The following EWSR1 variants were observed in gnomAD, a reference collection of about 807,000 sequenced individuals.
EWSR1 encodes the protein RNA-binding protein EWS.
Under a neutral mutation model 92.1 loss-of-function variants are expected in EWSR1, and 14 were observed. The ratio of observed to expected loss-of-function variants is 0.15; its 90% CI spans 0.10 to 0.24. EWSR1 has a LOEUF of 0.24. Among genes scored for constraint, EWSR1 ranks in the 10% least tolerant of loss-of-function variants. The probability of loss-of-function intolerance (pLI) is 1.00; values close to 1 mark genes in which losing one functional copy is unlikely to be tolerated. For missense variants in EWSR1, 637 were observed against 870.9 expected, an observed-to-expected ratio of 0.73 and a Z score of 3.38; for synonymous variants, 303 against 292.9, an observed-to-expected ratio of 1.03 and a Z score of -0.35.
Position 29,270,185 on chromosome 22 carries a change from G to A in EWSR1, c.13+1836G>A, listed in dbSNP as rs117950019. 1.3e-3 allele frequency among the ~76,000 whole-genome samples: 203 copies of A among 152,298 alleles called. 3 individuals are homozygous for A. In the East Asian group the frequency reaches 0.035, roughly 26 times the overall value. On this transcript the variant is annotated intron_variant, in intron 1 of 16. Transcript: ENST00000397938. ...CAGCTTCCATAGTGACTGCTCTAAA[G>A]TGTTAAACCGTTGCCTTGGGTTAAT... is the stretch of plus-strand genomic sequence containing the variant.
chr22:29,270,679 G>C (rs2058603891), intron 1 of EWSR1, among the ~76,000 whole-genome samples: 1 of 152,138 alleles, frequency 6.6e-6, no homozygotes, highest in South Asian at 2.1e-4. Context: ...TGCAAACGTT[G>C]AACTTACATG....
At chr22:29,299,988 GGGGCTCT>G in intron 16 of EWSR1, 127 bp from the exon 17 acceptor site, 4 of 1,397,712 alleles carry the variant, frequency 2.9e-6, no homozygotes, top group South Asian at 2.7e-5. Context: ...GGGGCACCTG[GGGGCTCT>G]GGAAGGGCTT....
chr22:29,291,010 T>A (rs1012967323), intron 8 of EWSR1: 18 of 237,042 alleles, frequency 7.6e-5, no homozygotes, highest in Non-Finnish European at 1.4e-4. Flanking sequence ...TTAAATCTAT[T>A]CGTGCCCTGA....
chr22:29,268,363 A>T lies in EWSR1; in HGVS notation c.13+14A>T, dbSNP rs752812760. On this transcript the variant is annotated intron_variant, in intron 1 of 16. Transcript: ENST00000397938. ...TGGCGTCCACGGGTGAGTATGGTGGAACTGCGGTCGCGCCGGCGGTAGCCG... is the reference window on the plus strand; with the variant it reads ...TGGCGTCCACGGGTGAGTATGGTGGTACTGCGGTCGCGCCGGCGGTAGCCG... 2 of 1,614,052 alleles carry T rather than the reference A, an allele frequency of 1.2e-6. No homozygotes were observed. Among genetic ancestry groups the T allele is most frequent in the Non-Finnish European group, 1.7e-6 (2 of 1,179,936 alleles).
intron 4 of EWSR1, chr22:29,277,604 CT>C: frequency 4.3e-6 from 1 of 232,676 alleles, no homozygotes; most frequent in Non-Finnish European, 8.5e-6. Flanking sequence ...TGTCATTTGC[CT>C]TTTACCTTTT....
intron 7 of EWSR1, 37 bp downstream of exon 7, chr22:29,287,171 T>C (rs1316022382): frequency 8.8e-6 from 14 of 1,591,650 alleles, no homozygotes; most frequent in Admixed American, 1.7e-5. Flanking sequence ...TAAGAATGAA[T>C]GTGTTTAGAG....
intron 13 of EWSR1, 99 bp from the exon 14 acceptor site, chr22:29,298,634 G>A: frequency 1.4e-6 from 2 of 1,410,684 alleles, no homozygotes; most frequent in Admixed American, 1.7e-5. Flanking sequence ...GGAAATGACA[G>A]CAGTAGTATC....
rs1311541167 is a variant in EWSR1, at chr22:29,273,879, GGAGAGAT to G, written c.226+16_226+22del. ...GCCTCCCACTGGTAAGGCCTGCCTT[GGAGAGAT>G]TTTTGGGTCGTTCTGGCTAGGGCAT... On this transcript the variant is annotated intron_variant, in intron 4 of 16. Transcript: ENST00000397938. 2.5e-6 allele frequency: 4 copies of G among 1,612,706 alleles called. No individual in the cohort carries two copies. In the East Asian group the frequency reaches 8.9e-5, roughly 36 times the overall value.
intron 3 of EWSR1, among the ~76,000 whole-genome samples, chr22:29,272,996 T>C (rs2146802384): frequency 6.6e-6 from 1 of 152,354 alleles, no homozygotes; most frequent in Middle Eastern, 3.4e-3. Flanking sequence ...AAATGGATAC[T>C]AATAACTGCC....
intron 6 of EWSR1, 52 bp from the exon 7 acceptor site, chr22:29,286,871 A>G (rs967298452): frequency 7.0e-7 from 1 of 1,420,024 alleles, no homozygotes; most frequent in East Asian, 2.3e-5. Flanking sequence ...ATTTGAAATA[A>G]CAAGCCTCTT....
intron 11 of EWSR1, 47 bp from the exon 12 acceptor site, chr22:29,296,192 A>G (rs889636774): frequency 4.5e-6 from 7 of 1,569,746 alleles, no homozygotes; most frequent in Non-Finnish European, 6.1e-6. Flanking sequence ...TTTTTCTCCC[A>G]AATTAGTATA....
chr22:29,287,809 A>G (rs1221416629), intron 7 of EWSR1, among the ~76,000 whole-genome samples: 1 of 152,112 alleles, frequency 6.6e-6, no homozygotes, highest in Non-Finnish European at 1.5e-5. Flanking sequence ...GGAGGCAGCT[A>G]TTGCAGGCCA....
chr22:29,283,290 T>C (rs562431492), intron 6 of EWSR1, among the ~76,000 whole-genome samples: 74 of 152,358 alleles, frequency 4.9e-4, no homozygotes, highest in African/African-American at 1.7e-3. Flanking sequence ...CATAAAGGTT[T>C]ATTCATGCAC....
At chr22:29,278,993 T>C (rs1387466082) in intron 5 of EWSR1, among the ~76,000 whole-genome samples, 1 of 144,830 alleles carries the variant, frequency 6.9e-6, no homozygotes, top group Non-Finnish European at 1.5e-5. Context: ...AGACTTCACC[T>C]CAAAAAAAAA....
At chr22:29,299,044 A>C in intron 14 of EWSR1, 149 bp downstream of exon 14, 1 of 1,331,438 alleles carries the variant, frequency 7.5e-7, no homozygotes. Flanking sequence ...CATTCACTGG[A>C]CGCTTCAGAG....
intron 11 of EWSR1, among the ~76,000 whole-genome samples, chr22:29,294,790 T>C (rs969266885): frequency 6.6e-6 from 1 of 151,282 alleles, no homozygotes; most frequent in Non-Finnish European, 1.5e-5. Flanking sequence ...GACACGCGCC[T>C]GTAGTTGAGC....
At chr22:29,283,731 A>G (rs1213132368) in intron 6 of EWSR1, among the ~76,000 whole-genome samples, 2 of 150,540 alleles carry the variant, frequency 1.3e-5, no homozygotes, top group Non-Finnish European at 2.9e-5. Context: ...ACAGGGTTTC[A>G]CCATGTGGGC....
chr22:29,285,305 G>A (rs1013562007), intron 6 of EWSR1, among the ~76,000 whole-genome samples: 5 of 148,988 alleles, frequency 3.4e-5, no homozygotes, highest in African/African-American at 1.3e-4. Flanking sequence ...TGTATTTTTA[G>A]TAGGTGGGGT....
chr22:29,289,892 G>A (rs182733132), intron 8 of EWSR1: 53 of 230,762 alleles, frequency 2.3e-4, no homozygotes, highest in African/African-American at 1.1e-3. Flanking sequence ...TAATGATTCG[G>A]TATGAAGTAA....
Sources: gnomAD v4.1 joint callset for allele counts (sites outside exome capture counted in the v4.1 genomes callset) on GRCh38, gnomAD v4.1.1 for gene constraint, MANE v1.5 for transcripts, NCBI Gene and HGNC (gene_info 2026-07-23, HGNC 2026-07-21) for gene names.